DOCK8: variants seen among roughly 807,000 people sequenced by gnomAD.
The protein encoded by DOCK8 is dedicator of cytokinesis protein 8.
Under a neutral mutation model 245.6 loss-of-function variants are expected in DOCK8, and 141 were observed. The ratio of observed to expected loss-of-function variants is 0.57; its 90% CI spans 0.50 to 0.66. DOCK8 has a LOEUF of 0.66. Ranked by LOEUF, DOCK8 falls within the 30% of genes least tolerant of loss-of-function variation. The pLI is 0.00. For missense variants in DOCK8, 2,965 were observed against 2,603.4 expected, an observed-to-expected ratio of 1.14 and a Z score of -3.02; for synonymous variants, 1,168 against 970.2, an observed-to-expected ratio of 1.20 and a Z score of -3.79.
intron 15 of DOCK8, 170 bp from the exon 16 acceptor site, chr9:370,060 C>A: frequency 1.5e-6 from 1 of 668,462 alleles, no homozygotes; most frequent in Non-Finnish European, 2.7e-6. Flanking sequence ...ACGCCGACCT[C>A]CCAGAGTGCT....
chr9:243,068 T>A (rs1403082110), intron 1 of DOCK8, among the ~76,000 whole-genome samples: 1 of 152,164 alleles, frequency 6.6e-6, no homozygotes, highest in African/African-American at 2.4e-5. Context: ...AGATTCCTTT[T>A]CAAACTAAAG....
At chr9:286,425 G>C in intron 2 of DOCK8, 36 bp from the exon 3 acceptor site, 2 of 1,609,804 alleles carry the variant, frequency 1.2e-6, no homozygotes, top group Non-Finnish European at 1.7e-6. Flanking sequence ...AGAAAACTGG[G>C]TGAGAACCTC....
chr9:309,231 T>C (rs923707316), intron 5 of DOCK8, among the ~76,000 whole-genome samples: 7 of 152,204 alleles, frequency 4.6e-5, no homozygotes, highest in Admixed American at 1.3e-4. Flanking sequence ...TTTGGGAAAT[T>C]AAAGTCATTT....
At chr9:287,532 A>G (rs1046674065) in intron 3 of DOCK8, among the ~76,000 whole-genome samples, 3 of 152,134 alleles carry the variant, frequency 2.0e-5, no homozygotes, top group African/African-American at 2.4e-5. Flanking sequence ...GAGATATTCT[A>G]GTTCTATTTT....
At chr9:311,650 A>G (rs953206345) in intron 5 of DOCK8, among the ~76,000 whole-genome samples, 19 of 152,152 alleles carry the variant, frequency 1.2e-4, no homozygotes, top group African/African-American at 4.1e-4. Flanking sequence ...AGCCCCAGGA[A>G]AGAACAAGCC....
intron 2 of DOCK8, chr9:284,653 T>C (rs547517136): frequency 6.6e-6 from 1 of 152,344 alleles, no homozygotes; most frequent in African/African-American, 2.4e-5. Context: ...GAATGTTTAT[T>C]GCAACACTAT....
chr9:215,597 G>A lies in DOCK8; in HGVS notation c.53+568G>A, dbSNP rs1287429977. ...TACCCTGGTCCAAAGGAGCCATGAA[G>A]TGGAAAAAGTGATTTTTTAAAAAAT... On this transcript the variant is annotated intron_variant, in intron 1 of 47. Coordinates refer to ENST00000432829, the MANE Select transcript of DOCK8 (RefSeq NM_203447.4). The A allele has an allele frequency of 7.9e-6, 5 of 629,372 alleles. 1 individual carries two copies. The highest frequency in any genetic ancestry group is 6.9e-5 in the East Asian group (2 of 28,860). The allele number at this position is 629,372 out of a possible 1,614,324, so 39.0% of individuals were successfully genotyped here.
chr9:309,699 A>G (rs2050012363), intron 5 of DOCK8, among the ~76,000 whole-genome samples: 1 of 152,196 alleles, frequency 6.6e-6, no homozygotes, highest in Admixed American at 6.5e-5. Context: ...GCTTCATCCA[A>G]TAACTGTTAC....
At chr9:385,686 G>T (rs775480946) in intron 22 of DOCK8, among the ~76,000 whole-genome samples, 8 of 152,130 alleles carry the variant, frequency 5.3e-5, no homozygotes, top group African/African-American at 1.2e-4. Flanking sequence ...CTGACAACTG[G>T]TTGTTAAACA....
chr9:421,099 C>A (rs1299608840), intron 32 of DOCK8, 21 bp downstream of exon 32: 4 of 1,613,628 alleles, frequency 2.5e-6, no homozygotes, highest in East Asian at 2.2e-5. Context: ...CTGGCCCTTC[C>A]CTGCTCTCTG....
In DOCK8 at chr9:271,689, G is replaced by A. The variant is rs909479628; in HGVS notation, c.116G>A (p.Arg39Gln). The change falls in exon 2 of 48, where the codon CGA becomes CAA. Residue 39 changes from arginine to glutamine, a missense_variant. Physicochemically the swap from Arg to Gln is conservative, Grantham distance 43. Around this residue, in one of 3 missense-constraint regions of DOCK8, gnomAD observed 2,825 missense variants for 2,453.5 expected, o/e 1.15. Transcript: ENST00000432829. ...CCACCAAACCTTGGCCAGTACCATC[G>A]ACAGAGCATAAGTACCTCTGGCTTC... ...TLPPNLGQYH[R>Q]QSISTSGFPS... 3.2e-6 allele frequency: 5 copies of A among 1,551,606 alleles called. No homozygotes were observed. Among genetic ancestry groups the A allele is most frequent in the South Asian group, 2.4e-5 (2 of 83,996 alleles).
rs149521894 is a variant in DOCK8, at chr9:372,264, A to C, written c.2087A>C (p.Asn696Thr). 1.2e-6 allele frequency: 2 copies of C among 1,613,952 alleles called. No homozygotes were observed. The highest frequency in any genetic ancestry group is 1.7e-5 in the Admixed American group (1 of 60,016). ...GTTGCCTTGGAAAAATTGCCACCCAACTACTCCATGCATTCTGCTGAGGTA... is the reference window on the plus strand; with the variant it reads ...GTTGCCTTGGAAAAATTGCCACCCACCTACTCCATGCATTCTGCTGAGGTA... ...LPVALEKLPP[N>T]YSMHSAEKVP... The change falls in exon 18 of 48, where the codon AAC becomes ACC. Residue 696 changes from asparagine (N) to threonine (T), a missense_variant. Physicochemically the swap from Asn to Thr is moderately conservative, Grantham distance 65 (BLOSUM62 0). Coordinates refer to ENST00000432829, the MANE Select transcript of DOCK8 (RefSeq NM_203447.4).
At chr9:298,959 G>A (rs2049401760) in intron 4 of DOCK8, among the ~76,000 whole-genome samples, 1 of 150,328 alleles carries the variant, frequency 6.7e-6, no homozygotes, top group South Asian at 2.1e-4. Flanking sequence ...TTAATTAACT[G>A]TTTGTTTCAA....
chr9:351,880 T>C (rs2052187247), intron 14 of DOCK8, among the ~76,000 whole-genome samples: 2 of 152,214 alleles, frequency 1.3e-5, no homozygotes, highest in African/African-American at 4.8e-5. Context: ...GCAACTCCCT[T>C]GTAGAACTTT....
chr9:269,289 A>G (rs2048102923), intron 1 of DOCK8, among the ~76,000 whole-genome samples: 1 of 152,208 alleles, frequency 6.6e-6, no homozygotes, highest in South Asian at 2.1e-4. Flanking sequence ...TGGGCATTTC[A>G]TATAAAGAAT....
Position 449,917 on chromosome 9 carries a change from C to T in DOCK8, c.5951C>T (p.Thr1984Ile), listed in dbSNP as rs1356939080. The change falls in exon 45 of 48, where the codon ACT (threonine) becomes ATT (isoleucine). Residue 1984 changes from threonine (T) to isoleucine (I), a missense_variant. By Grantham distance (89) the Thr-to-Ile change is moderately conservative. Around this residue, in one of 3 missense-constraint regions of DOCK8, gnomAD observed 6 missense variants for 21.8 expected, o/e 0.28. Coordinates refer to ENST00000432829, the MANE Select transcript of DOCK8 (RefSeq NM_203447.4). Reference protein sequence around the residue: ...QMVLQGSVGATVNQGPLEVAQ... With the variant: ...QMVLQGSVGAIVNQGPLEVAQ... ...GTGCTGCAAGGCTCTGTGGGAGCTA[C>T]TGTAAATCAGGTAAGCAAAACCAGA... 1.2e-6 allele frequency: 2 copies of T among 1,613,740 alleles called. No individual in the cohort carries two copies. The highest frequency in any genetic ancestry group is 2.7e-5 in the African/African-American group (2 of 74,914).
intron 19 of DOCK8, among the ~76,000 whole-genome samples, 161 bp downstream of exon 19, chr9:376,466 T>C (rs974925009): frequency 3.9e-5 from 6 of 152,206 alleles, no homozygotes; most frequent in South Asian, 4.1e-4. Context: ...GTTTCATTTG[T>C]CATTGGAATA....
At chr9:346,978 GC>G (rs1434117447) in intron 14 of DOCK8, among the ~76,000 whole-genome samples, 1 of 152,174 alleles carries the variant, frequency 6.6e-6, no homozygotes, top group East Asian at 1.9e-4. Context: ...CCCAGTTTAA[GC>G]CCAGTTAGCT....
intron 10 of DOCK8, 144 bp downstream of exon 10, chr9:332,622 A>G (rs540169550): frequency 1.1e-5 from 6 of 522,976 alleles, no homozygotes; most frequent in East Asian, 6.7e-5. Flanking sequence ...ATAAAAGAGG[A>G]AAAGAAAACT....
Sources: gnomAD v4.1 joint callset for allele counts (sites outside exome capture counted in the v4.1 genomes callset) on GRCh38, gnomAD v4.1.1 for gene constraint, gnomAD v4.1.1 regional missense constraint, MANE v1.5 for transcripts, NCBI Gene and HGNC (gene_info 2026-07-23, HGNC 2026-07-21) for gene names.